TMEM163: variants seen among roughly 807,000 people sequenced by gnomAD.
TMEM163 encodes the protein transmembrane protein 163.
A neutral mutation model predicts 29.3 loss-of-function variants in TMEM163; 17 were observed. The ratio of observed to expected loss-of-function variants is 0.58; its 90% CI spans 0.40 to 0.87. The LOEUF (loss-of-function observed/expected upper bound fraction) is 0.87, where lower values mean the gene tolerates loss of function less well. TMEM163 is among the 40% of genes least tolerant of loss of function. TMEM163 has a pLI of 0.00. For missense variants in TMEM163, 303 were observed against 381.5 expected, an observed-to-expected ratio of 0.79 and a Z score of 1.71; for synonymous variants, 157 against 160.6, an observed-to-expected ratio of 0.98 and a Z score of 0.17.
rs552650855 is a variant in TMEM163, at chr2:134,544,886, G to A, written c.458+5684C>T. ...ACATGGGGCTAGTGACTACCATATC[G>A]CACAGCACAGATACAGAACACAGCC... On this transcript the variant is annotated intron_variant, in intron 4 of 7. Transcript: ENST00000281924. Among the ~76,000 whole-genome samples, 59 of 152,102 alleles carry A rather than the reference G, an allele frequency of 3.9e-4. No individual in the cohort carries two copies. In the South Asian group the frequency reaches 0.012, roughly 31 times the overall value.
intron 4 of TMEM163, among the ~76,000 whole-genome samples, chr2:134,509,692 A>C (rs1272948185): frequency 6.6e-6 from 1 of 152,254 alleles, no homozygotes; most frequent in Non-Finnish European, 1.5e-5. Flanking sequence ...CGAATCTAGG[A>C]TAGGAAACCT....
chr2:134,571,185 T>C (rs1681414688), intron 2 of TMEM163, among the ~76,000 whole-genome samples: 1 of 152,042 alleles, frequency 6.6e-6, no homozygotes, highest in Admixed American at 6.6e-5. Flanking sequence ...TCCAATTATA[T>C]CTAATTCAAA....
chr2:134,591,523 G>A (rs1258796412), intron 2 of TMEM163, among the ~76,000 whole-genome samples: 1 of 152,162 alleles, frequency 6.6e-6, no homozygotes, highest in Non-Finnish European at 1.5e-5. Flanking sequence ...TGGGAATGCA[G>A]CCCAGTAGGT....
chr2:134,583,300 T>C (rs1355068901), intron 2 of TMEM163, among the ~76,000 whole-genome samples: 1 of 152,236 alleles, frequency 6.6e-6, no homozygotes, highest in East Asian at 1.9e-4. Context: ...TCAAGAGAGC[T>C]GACACATGGA....
At chr2:134,550,517 G>T in intron 4 of TMEM163, 53 bp downstream of exon 4, 1 of 1,549,802 alleles carries the variant, frequency 6.5e-7, no homozygotes. Flanking sequence ...CTCATTCCGT[G>T]GCCTTCATCT....
intron 2 of TMEM163, among the ~76,000 whole-genome samples, chr2:134,602,345 G>A (rs1327457505): frequency 6.6e-6 from 1 of 152,158 alleles, no homozygotes; most frequent in African/African-American, 2.4e-5. Context: ...CCGCATGCCT[G>A]TCCATGATCT....
intron 5 of TMEM163, among the ~76,000 whole-genome samples, chr2:134,489,575 CAAAA>C (rs34513401): frequency 7.7e-6 from 1 of 130,034 alleles, no homozygotes; most frequent in Admixed American, 7.6e-5. Context: ...GACTCTCTCT[CAAAA>C]AAAAAAAAAA....
chr2:134,498,213 C>G (rs568925271), intron 5 of TMEM163, among the ~76,000 whole-genome samples: 5 of 152,250 alleles, frequency 3.3e-5, no homozygotes, highest in South Asian at 2.1e-4. Flanking sequence ...TGGACAGATG[C>G]GGCCACGCCC....
In TMEM163 at chr2:134,561,107, C is replaced by G. The variant is rs1309362274; in HGVS notation, c.323-9016G>C. On this transcript the variant is annotated intron_variant, in intron 2 of 7. Coordinates refer to ENST00000281924, the MANE Select transcript of TMEM163 (RefSeq NM_030923.5). Reference sequence around the variant, plus strand: ...AGCATTTATGGGCCGTCTCCGCCGTCTCCGATGGCGTATACAGCCCCTCAA... The same window carrying G: ...AGCATTTATGGGCCGTCTCCGCCGTGTCCGATGGCGTATACAGCCCCTCAA... Among the ~76,000 whole-genome samples the G allele has an allele frequency of 2.0e-5, 3 of 152,386 alleles. No individual in the cohort carries two copies. In the South Asian group the frequency reaches 6.2e-4, roughly 32 times the overall value.
At chr2:134,535,844 G>A (rs1230505460) in intron 4 of TMEM163, among the ~76,000 whole-genome samples, 2 of 151,664 alleles carry the variant, frequency 1.3e-5, no homozygotes, top group African/African-American at 4.9e-5. Flanking sequence ...TGCCTCAGTT[G>A]CCTGAGTAGC....
At chr2:134,505,873 T>C (rs1679812672) in intron 4 of TMEM163, among the ~76,000 whole-genome samples, 1 of 152,194 alleles carries the variant, frequency 6.6e-6, no homozygotes, top group Admixed American at 6.5e-5. Flanking sequence ...AATTACACTA[T>C]AAATTCTGTA....
At chr2:134,587,675 T>C (rs141428132) in intron 2 of TMEM163, among the ~76,000 whole-genome samples, 4,586 of 152,320 alleles carry the variant, frequency 0.03, 104 homozygotes, top group Admixed American at 0.082. Context: ...AAGCAGTTCC[T>C]TAACCAAAGA....
chr2:134,594,436 T>A (rs1682015127), intron 2 of TMEM163, among the ~76,000 whole-genome samples: 2 of 152,008 alleles, frequency 1.3e-5, no homozygotes, highest in Non-Finnish European at 2.9e-5. Flanking sequence ...CATAACTTAT[T>A]AAATAAGAAA....
At chr2:134,699,619 A>G (rs1025646139) in intron 2 of TMEM163, among the ~76,000 whole-genome samples, 1 of 152,204 alleles carries the variant, frequency 6.6e-6, no homozygotes, top group African/African-American at 2.4e-5. Context: ...GGCAGTCAAA[A>G]GTGTTTGAAA....
intron 1 of TMEM163, among the ~76,000 whole-genome samples, chr2:134,715,896 T>A (rs1685028041): frequency 6.6e-6 from 1 of 152,238 alleles, no homozygotes; most frequent in Non-Finnish European, 1.5e-5. Flanking sequence ...TCAAATTTCA[T>A]AATTTGCAAT....
chr2:134,564,641 A>G (rs565536396), intron 2 of TMEM163, among the ~76,000 whole-genome samples: 3 of 152,344 alleles, frequency 2.0e-5, no homozygotes, highest in African/African-American at 4.8e-5. Flanking sequence ...GAACATATAG[A>G]CTTATAAATC....
intron 2 of TMEM163, among the ~76,000 whole-genome samples, chr2:134,623,665 G>A: frequency 6.6e-6 from 1 of 152,110 alleles, no homozygotes; most frequent in East Asian, 1.9e-4. Context: ...TACTCGGGGG[G>A]CTGAGGCAGG....
At chr2:134,585,089 G>A (rs1168987505) in intron 2 of TMEM163, among the ~76,000 whole-genome samples, 1 of 152,212 alleles carries the variant, frequency 6.6e-6, no homozygotes, top group Non-Finnish European at 1.5e-5. Context: ...TATGTCACAT[G>A]TAGAGATCTT....
At chr2:134,645,574 C>T (rs1018997067) in intron 2 of TMEM163, among the ~76,000 whole-genome samples, 2 of 152,168 alleles carry the variant, frequency 1.3e-5, no homozygotes, top group African/African-American at 4.8e-5. Context: ...ACTGAAACGT[C>T]CCTCAATAAA....
Sources: gnomAD v4.1 joint callset for allele counts (sites outside exome capture counted in the v4.1 genomes callset) on GRCh38, gnomAD v4.1.1 for gene constraint, MANE v1.5 for transcripts, NCBI Gene and HGNC (gene_info 2026-07-23, HGNC 2026-07-21) for gene names.